UNC80: variants seen among roughly 807,000 people sequenced by gnomAD.
UNC80 encodes protein unc-80 homolog.
UNC80 carries 164 observed loss-of-function variants against 384.6 expected under a neutral mutation model. The observed-to-expected ratio is 0.43, with a 90% CI of 0.38 to 0.49. The LOEUF is 0.49. UNC80 is among the 20% of genes least tolerant of loss of function. The pLI is 0.00. For missense variants in UNC80, 3,330 were observed against 4,143.0 expected, an observed-to-expected ratio of 0.80 and a Z score of 5.39; for synonymous variants, 1,486 against 1,527.8, an observed-to-expected ratio of 0.97 and a Z score of 0.64.
intron 29 of UNC80, among the ~76,000 whole-genome samples, chr2:209,911,187 G>A (rs1381897630): frequency 1.1e-5 from 1 of 88,784 alleles, no homozygotes; most frequent in Non-Finnish European, 3.0e-5. Context: ...TAATAAAACA[G>A]AGAGGTGCCA....
At chr2:209,885,809 G>A (rs1345731715) in intron 25 of UNC80, among the ~76,000 whole-genome samples, 3 of 149,232 alleles carry the variant, frequency 2.0e-5, no homozygotes, top group Non-Finnish European at 4.4e-5. Flanking sequence ...AGGCTGGAGT[G>A]CAGTGGTGTG....
chr2:209,801,522 A>G (rs963467273), intron 7 of UNC80, among the ~76,000 whole-genome samples: 1 of 150,956 alleles, frequency 6.6e-6, no homozygotes, highest in African/African-American at 2.4e-5. Context: ...AGCTGGGATT[A>G]CAGGTGCCTG....
chr2:209,808,723 C>A, intron 7 of UNC80: 1 of 99,150 alleles, frequency 1.0e-5, no homozygotes, highest in Non-Finnish European at 1.9e-5. Flanking sequence ...CGGCTGCACT[C>A]ATTGCTCCAA....
intron 20 of UNC80, among the ~76,000 whole-genome samples, chr2:209,841,226 G>A (rs1014129222): frequency 1.3e-5 from 2 of 152,198 alleles, no homozygotes; most frequent in African/African-American, 4.8e-5. Flanking sequence ...TTCAGCATAT[G>A]ATAAGAGTTA....
chr2:209,932,769 G>T (rs1322556130), intron 38 of UNC80, among the ~76,000 whole-genome samples: 2 of 152,168 alleles, frequency 1.3e-5, no homozygotes, highest in Non-Finnish European at 2.9e-5. Flanking sequence ...GCACTGACAG[G>T]CATGTAGGTT....
intron 64 of UNC80, among the ~76,000 whole-genome samples, chr2:209,994,849 TG>T (rs774553476): frequency 6.6e-6 from 1 of 152,202 alleles, no homozygotes; most frequent in Non-Finnish European, 1.5e-5. Flanking sequence ...AGAACCTCTA[TG>T]TCCTATAAGA....
chr2:209,819,292 TAGAC>T (rs1280384632), intron 12 of UNC80, 31 bp downstream of exon 12: 6 of 1,526,692 alleles, frequency 3.9e-6, no homozygotes, highest in Non-Finnish European at 5.3e-6. Flanking sequence ...TTACCAAAGT[TAGAC>T]AGATATTAAT....
At chr2:209,797,092 C>T (rs1483616698) in intron 7 of UNC80, among the ~76,000 whole-genome samples, 1 of 152,116 alleles carries the variant, frequency 6.6e-6, no homozygotes, top group East Asian at 1.9e-4. Flanking sequence ...TTGAATCTGG[C>T]TTCTTTCACT....
chr2:209,824,699 A>G (rs975508529), intron 13 of UNC80, among the ~76,000 whole-genome samples: 2 of 152,238 alleles, frequency 1.3e-5, no homozygotes, highest in East Asian at 1.9e-4. Context: ...CACCACCTCC[A>G]CTACAAGAGC....
intron 40 of UNC80, among the ~76,000 whole-genome samples, chr2:209,936,627 T>C (rs2091263036): frequency 7.1e-6 from 1 of 140,234 alleles, no homozygotes; most frequent in Non-Finnish European, 1.5e-5. Context: ...GGTATGTGTG[T>C]ATATATATGT....
At chr2:209,860,062 C>T (rs1193354744) in intron 22 of UNC80, among the ~76,000 whole-genome samples, 2 of 152,140 alleles carry the variant, frequency 1.3e-5, no homozygotes, top group Non-Finnish European at 2.9e-5. Context: ...GCTTTTGTTG[C>T]AATTGCTTTT....
At chr2:209,909,848 G>A (rs1364675311) in intron 29 of UNC80, among the ~76,000 whole-genome samples, 1 of 152,004 alleles carries the variant, frequency 6.6e-6, no homozygotes, top group Non-Finnish European at 1.5e-5. Flanking sequence ...ATCCCTGACA[G>A]AGCATGAGGC....
At chr2:209,982,466 A>G in intron 60 of UNC80, 149 bp downstream of exon 60, 1 of 990,902 alleles carries the variant, frequency 1.0e-6, no homozygotes, top group Non-Finnish European at 1.3e-6. Flanking sequence ...TTTGTCAACT[A>G]GGTTCCTGCA....
Position 209,976,593 on chromosome 2 carries a change from A to C in UNC80, c.8772+290A>C, listed in dbSNP as rs1377423993. Among the ~76,000 whole-genome samples, 1 of 152,150 alleles carries C rather than the reference A, an allele frequency of 6.6e-6. No individual in the cohort carries two copies. Among genetic ancestry groups the C allele is most frequent in the South Asian group, 2.1e-4 (1 of 4,826 alleles). On this transcript the variant is annotated intron_variant, in intron 57 of 64. Coordinates refer to ENST00000673920, the MANE Select transcript of UNC80 (RefSeq NM_001371986.1). This position sits in a 1 kb window ranked among gnomAD's most constrained non-coding sequence, Gnocchi z 4.3. The stretch of plus-strand genomic sequence containing the variant: ...ACCCAAAAGATTGGTCCAGTGGAAT[A>C]GTTTGGAGAATCTTCTATCTTCAGT...
chr2:209,812,950 C>A (rs552423698), intron 7 of UNC80, among the ~76,000 whole-genome samples: 7 of 152,268 alleles, frequency 4.6e-5, no homozygotes, highest in Non-Finnish European at 1.0e-4. Context: ...TGCTCTCTTG[C>A]AAGGATATAT....
At chr2:209,931,155 G>A (rs2090831737) in intron 38 of UNC80, 101 bp downstream of exon 38, 1 of 837,558 alleles carries the variant, frequency 1.2e-6, no homozygotes, top group Non-Finnish European at 1.8e-6. Context: ...ATTACTAAAG[G>A]CAAATCCTGG....
chr2:209,896,562 C>T, intron 28 of UNC80, 149 bp downstream of exon 28: 1 of 718,784 alleles, frequency 1.4e-6, no homozygotes, highest in South Asian at 1.7e-5. Flanking sequence ...CTGAATATCT[C>T]AACACTCTCT....
In UNC80 at chr2:209,887,186, G is replaced by A. The variant is rs867648348; in HGVS notation, c.4111-909G>A. Among the ~76,000 whole-genome samples, 7 of 151,846 alleles carry A rather than the reference G, an allele frequency of 4.6e-5. No individual in the cohort carries two copies. In the South Asian group the frequency reaches 8.3e-4, roughly 18 times the overall value. ...TGAGTAGCTAGGATTACAGGCATGCGCCACCTCGCCCGGCTAATTTTGTAT... is the reference window on the plus strand; with the variant it reads ...TGAGTAGCTAGGATTACAGGCATGCACCACCTCGCCCGGCTAATTTTGTAT... On this transcript the variant is annotated intron_variant, in intron 25 of 64. Coordinates refer to ENST00000673920, the MANE Select transcript of UNC80 (RefSeq NM_001371986.1).
At chr2:209,836,435 T>C (rs1481969418) in intron 18 of UNC80, among the ~76,000 whole-genome samples, 1 of 152,140 alleles carries the variant, frequency 6.6e-6, no homozygotes, top group Non-Finnish European at 1.5e-5. Flanking sequence ...ACTTAAAAAA[T>C]AAAGCCATTC....
Sources: allele counts gnomAD v4.1 joint callset (sites outside exome capture counted in the v4.1 genomes callset), GRCh38; gene constraint gnomAD v4.1.1; non-coding constraint Gnocchi (gnomAD v3.1); transcripts MANE v1.5; gene names NCBI Gene and HGNC (gene_info 2026-07-23, HGNC 2026-07-21).